The following DMXL2 variants were observed in gnomAD, a reference collection of about 807,000 sequenced individuals.
The protein encoded by DMXL2 is dmX-like protein 2.
A neutral mutation model predicts 331.1 loss-of-function variants in DMXL2; 103 were observed. That is an observed-to-expected ratio of 0.31 (90% confidence interval 0.27 to 0.37). The LOEUF (loss-of-function observed/expected upper bound fraction) is 0.37, where lower values mean the gene tolerates loss of function less well. DMXL2 is among the 10% of genes least tolerant of loss of function. The probability of loss-of-function intolerance (pLI) is 1.00; values close to 1 mark genes in which losing one functional copy is unlikely to be tolerated. For missense variants in DMXL2, 3,171 were observed against 3,642.9 expected (o/e 0.87, Z 3.33); for synonymous variants, 1,281 against 1,252.1 (o/e 1.02, Z -0.49).
At chr15:51,450,637 G>A in intron 42 of DMXL2, 1 of 377,464 alleles carries the variant, frequency 2.6e-6, no homozygotes, top group Non-Finnish European at 5.0e-6. Flanking sequence ...GTATACAGAA[G>A]AGCAGAGACC....
intron 13 of DMXL2, among the ~76,000 whole-genome samples, chr15:51,527,049 C>T (rs1251352700): frequency 2.6e-5 from 4 of 152,234 alleles, no homozygotes; most frequent in Admixed American, 6.5e-5. Context: ...GGCTATAGAA[C>T]GCCAAGCAGA....
rs764570400 is a variant in DMXL2 at position 51,480,092 on chromosome 15, G to C, written c.6612C>G (p.Thr2204=). The C allele has an allele frequency of 1.9e-6, 3 of 1,594,466 alleles. No homozygotes were observed. The highest frequency in any genetic ancestry group is 2.6e-6 in the Non-Finnish European group (3 of 1,165,044). The change falls in exon 25 of 44, where the codon ACC becomes ACG. Residue 2204 remains threonine (T), a synonymous_variant. Transcript: ENST00000560891. ...CAATACTTGCTGAAAGCAGAGGTAG[G>C]GTGGTAGGCAGTGGTAGTGGAGACT... ...QLQSPLPLPT[T]LPLLSASIAS...
chr15:51,478,403 A>G (rs2041754243), intron 25 of DMXL2, 56 bp from the exon 26 acceptor site: 3 of 1,491,896 alleles, frequency 2.0e-6, no homozygotes, highest in South Asian at 1.2e-5. Flanking sequence ...CACAACAGTA[A>G]TATTTCAAAA....
rs2048938369 is a variant in DMXL2, at chr15:51,547,249, T to C, written c.727A>G (p.Thr243Ala). The change falls in exon 7 of 44, where the codon ACT becomes GCT. Residue 243 changes from threonine (T) to alanine (A), a missense_variant. By Grantham distance (58) the Thr-to-Ala change is moderately conservative (BLOSUM62 0). Coordinates refer to ENST00000560891, the MANE Select transcript of DMXL2 (RefSeq NM_001378457.1). ...TCTAACCTGGGCATATACTTGCTAG[T>C]TTTGCGCCACGAAAAACCTGTCACA... is the stretch of plus-strand genomic sequence containing the variant. The part of the protein sequence containing the change: ...RAVTGFSWRK[T>A]SKYMPRGSVC... The C allele has an allele frequency of 1.2e-6, 2 of 1,611,144 alleles. No homozygotes were observed. The highest frequency in any genetic ancestry group is 1.7e-6 in the Non-Finnish European group (2 of 1,178,706).
intron 1 of DMXL2, among the ~76,000 whole-genome samples, chr15:51,587,872 G>A (rs1405012581): frequency 6.6e-6 from 1 of 152,172 alleles, no homozygotes; most frequent in Non-Finnish European, 1.5e-5. Context: ...TAACTGGTGT[G>A]AGATGGTATC....
chr15:51,499,699 T>A lies in DMXL2; in HGVS notation c.3525A>T (p.Ser1175=). ...IKHLVHLDWV[S]KEDGSHILTV... ...TAAGAATGTGGGAGCCATCTTCTTT[T>A]GATACCCAGTCCAAATGTACTAAAT... The change falls in exon 18 of 44, where the codon TCA becomes TCT. Residue 1175 remains serine (S), a synonymous_variant. Coordinates refer to ENST00000560891, the MANE Select transcript of DMXL2 (RefSeq NM_001378457.1). 5.0e-6 allele frequency: 8 copies of A among 1,614,096 alleles called. No individual in the cohort carries two copies. The highest frequency in any genetic ancestry group is 6.8e-6 in the Non-Finnish European group (8 of 1,179,996).
At chr15:51,556,893 C>T (rs2049630889) in intron 6 of DMXL2, among the ~76,000 whole-genome samples, 3 of 151,820 alleles carry the variant, frequency 2.0e-5, no homozygotes, top group Admixed American at 1.3e-4. Context: ...GTTTCTTTAT[C>T]TGAAAAAAAA....
At chr15:51,551,617 A>C (rs78603441) in intron 6 of DMXL2, among the ~76,000 whole-genome samples, 20 of 152,254 alleles carry the variant, frequency 1.3e-4, no homozygotes, top group African/African-American at 4.8e-4. Context: ...TTAAAAACAA[A>C]ATCAGTCCTC....
chr15:51,587,630 C>T (rs945603796), intron 1 of DMXL2, among the ~76,000 whole-genome samples: 4 of 152,124 alleles, frequency 2.6e-5, no homozygotes, highest in African/African-American at 4.8e-5. Context: ...AGTAAACATA[C>T]GTGTGCATGT....
At chr15:51,450,732 G>A (rs1036072760) in intron 42 of DMXL2, 5 of 175,308 alleles carry the variant, frequency 2.9e-5, no homozygotes, top group African/African-American at 9.5e-5. Flanking sequence ...TTGAAACAAC[G>A]ACACTATGAG....
At chr15:51,483,388 C>T (rs1243459790) in intron 23 of DMXL2, among the ~76,000 whole-genome samples, 2 of 152,208 alleles carry the variant, frequency 1.3e-5, no homozygotes, top group African/African-American at 4.8e-5. Flanking sequence ...ATGCTACAAT[C>T]CCAGCTATGC....
intron 1 of DMXL2, among the ~76,000 whole-genome samples, chr15:51,596,002 A>C (rs1159168593): frequency 6.6e-6 from 1 of 152,240 alleles, no homozygotes; most frequent in Non-Finnish European, 1.5e-5. Context: ...TTCAGGACAT[A>C]GGCATGGGCA....
chr15:51,554,725 T>C (rs2049441592), intron 6 of DMXL2, among the ~76,000 whole-genome samples: 1 of 152,110 alleles, frequency 6.6e-6, no homozygotes, highest in African/African-American at 2.4e-5. Flanking sequence ...GAAGATGAGG[T>C]TGAAGCAGTG....
chr15:51,522,464 G>C (rs2047431581), intron 13 of DMXL2, among the ~76,000 whole-genome samples: 1 of 152,102 alleles, frequency 6.6e-6, no homozygotes, highest in African/African-American at 2.4e-5. Context: ...GGCCAATATG[G>C]TGAAACCCCT....
In DMXL2 at chr15:51,484,792, T is replaced by C. The variant is rs372909519; in HGVS notation, c.5482+1281A>G. On this transcript the variant is annotated intron_variant, in intron 23 of 43. Transcript: ENST00000560891. ...GAAATCATAGTCTTAAGGAAACTCA[T>C]TCAGATACAAAAGAATACAGATATA... 1.0e-3 allele frequency among the ~76,000 whole-genome samples: 153 copies of C among 152,134 alleles called. 1 individual carries two copies. The Middle Eastern group carries it at 0.034, about 34-fold the overall frequency.
intron 21 of DMXL2, 21 bp downstream of exon 21, chr15:51,488,527 T>C (rs2042563817): frequency 6.3e-7 from 1 of 1,587,748 alleles, no homozygotes; most frequent in Non-Finnish European, 8.6e-7. Context: ...TTGAATCACG[T>C]TAAGTGTCAA....
intron 28 of DMXL2, 101 bp from the exon 29 acceptor site, chr15:51,471,502 C>T: frequency 1.7e-6 from 2 of 1,168,106 alleles, no homozygotes; most frequent in East Asian, 4.8e-5. Context: ...ATGTTTTGGT[C>T]TAAACTAAAT....
chr15:51,508,573 T>C (rs1419401618), intron 15 of DMXL2, among the ~76,000 whole-genome samples: 4 of 152,242 alleles, frequency 2.6e-5, no homozygotes, highest in Admixed American at 6.5e-5. Context: ...CATTGAGTTA[T>C]ATGAGTACTT....
intron 15 of DMXL2, 23 bp from the exon 16 acceptor site, chr15:51,507,276 AT>A (rs772109477): frequency 6.3e-7 from 1 of 1,592,588 alleles, no homozygotes; most frequent in South Asian, 1.2e-5. Context: ...GGAAAAGGAT[AT>A]TTAAATTAGT....
Sources: allele counts gnomAD v4.1 joint callset (sites outside exome capture counted in the v4.1 genomes callset), GRCh38; gene constraint gnomAD v4.1.1; transcripts MANE v1.5; gene names NCBI Gene and HGNC (gene_info 2026-07-23, HGNC 2026-07-21).